MLIP: variants seen among roughly 807,000 people sequenced by gnomAD.
MLIP encodes the protein muscular LMNA-interacting protein.
A neutral mutation model predicts 84.8 loss-of-function variants in MLIP; 79 were observed. That is an observed-to-expected ratio of 0.93 (90% CI 0.78 to 1.12). MLIP has a LOEUF of 1.12. Among genes scored for constraint, MLIP ranks in the 50% most tolerant of loss-of-function variants. MLIP has a pLI of 0.00. For synonymous variants in MLIP, 504 were observed against 463.0 expected, an observed-to-expected ratio of 1.09 and a Z score of -1.14; for missense variants, 1,257 against 1,160.6, an observed-to-expected ratio of 1.08 and a Z score of -1.21.
Position 54,230,779 on chromosome 6 carries a change from T to G in MLIP, c.2784T>G (p.Pro928=). 1 of 1,614,172 alleles carries G rather than the reference T, an allele frequency of 6.2e-7. No homozygotes were observed. Among genetic ancestry groups the G allele is most frequent in the African/African-American group, 1.3e-5 (1 of 75,054 alleles). Residue 928 remains proline, a synonymous_variant, in exon 12 of 14, where the codon CCT becomes CCG. Coordinates refer to ENST00000502396, the MANE Select transcript of MLIP (RefSeq NM_001281747.2). ...TATATCAGACTAAACTCTATCCTCC[T>G]GCTAAGTCACTGCTGCATCCACAGA... ...HPLYQTKLYP[P]AKSLLHPQTL...
In MLIP at chr6:54,198,888, GTGTGTGTATA is replaced by G. The variant is rs908489140; in HGVS notation, c.2590-3209_2590-3200del. Among the ~76,000 whole-genome samples, 125 of 84,778 alleles carry G rather than the reference GTGTGTGTATA, an allele frequency of 1.5e-3. No individual in the cohort carries two copies. The East Asian group carries it at 0.018, about 12-fold the overall frequency. The allele number at this position is 84,778 out of a possible 152,430, so 55.6% of individuals were successfully genotyped here. A position where few individuals can be genotyped will look rare whatever the true frequency, so the allele number is the denominator to read the frequency against. The stretch of plus-strand genomic sequence containing the variant: ...AAGAGGTGTGTGTGTCTGTGTGTGT[GTGTGTGTATA>G]TGTGTGTGTGTGTTTGTGTGTGTGT... On this transcript the variant is annotated intron_variant, in intron 10 of 13. Transcript: ENST00000502396.
chr6:54,214,715 T>C (rs865801650), intron 11 of MLIP, among the ~76,000 whole-genome samples: 1 of 152,236 alleles, frequency 6.6e-6, no homozygotes, highest in African/African-American at 2.4e-5. Flanking sequence ...GCAATTCTGC[T>C]TTAACATTTT....
rs921230858 is a variant in MLIP, at chr6:54,033,411, C to T, written c.63+14320C>T. Among the ~76,000 whole-genome samples the T allele has an allele frequency of 6.6e-5, 10 of 151,946 alleles. No homozygotes were observed. The East Asian group carries it at 7.8e-4, about 12-fold the overall frequency. ...CCTCCAGAGTAGCTGGGAATACAGG[C>T]GTGTGCCATCTTGCTTGGCTAATTT... is the stretch of plus-strand genomic sequence containing the variant. On this transcript the variant is annotated intron_variant, in intron 1 of 12. Transcript: ENST00000274897.
intron 9 of MLIP, among the ~76,000 whole-genome samples, chr6:54,177,344 A>T (rs569322631): frequency 2.6e-5 from 4 of 152,328 alleles, no homozygotes; most frequent in African/African-American, 9.6e-5. Context: ...AAACAAATTT[A>T]AAAGAAAAAA....
chr6:54,069,091 G>A lies in MLIP; in HGVS notation c.63+50000G>A, dbSNP rs1386407610. 4.9e-5 allele frequency among the ~76,000 whole-genome samples: 5 copies of A among 101,448 alleles called. 2 individuals carry two copies. Among genetic ancestry groups the A allele is most frequent in the Admixed American group, 2.7e-4 (3 of 11,022 alleles). The allele number at this position is 101,448 out of a possible 152,430, so 66.6% of individuals were successfully genotyped here. On this transcript the variant is annotated intron_variant, in intron 1 of 12. Transcript: ENST00000274897. ...TCCTGACTGGTATGGGGATGCATCC[G>A]CAGGTCACTTCGTTCATGTTCAGTG...
chr6:54,247,199 T>C (rs1042994842), intron 12 of MLIP, among the ~76,000 whole-genome samples: 1 of 152,186 alleles, frequency 6.6e-6, no homozygotes, highest in Non-Finnish European at 1.5e-5. Flanking sequence ...GGCAGTACTA[T>C]GAACATTTTT....
chr6:54,099,887 TA>T (rs1183656687), intron 1 of MLIP, among the ~76,000 whole-genome samples: 1 of 151,936 alleles, frequency 6.6e-6, no homozygotes, highest in Non-Finnish European at 1.5e-5. Context: ...GGTATAAATG[TA>T]AAGGCAAGAA....
At chr6:54,238,693 G>T (rs567981154) in intron 12 of MLIP, among the ~76,000 whole-genome samples, 2 of 152,160 alleles carry the variant, frequency 1.3e-5, no homozygotes, top group East Asian at 3.9e-4. Flanking sequence ...AAGCAAGAAG[G>T]CTCTATTTAC....
intron 10 of MLIP, among the ~76,000 whole-genome samples, chr6:54,191,086 C>T (rs1260104579): frequency 6.6e-6 from 1 of 151,972 alleles, no homozygotes; most frequent in Non-Finnish European, 1.5e-5. Context: ...TGAGCCATCG[C>T]GCCCGGCCAA....
chr6:54,213,193 A>G (rs951055086), intron 11 of MLIP, among the ~76,000 whole-genome samples: 2 of 152,222 alleles, frequency 1.3e-5, no homozygotes, highest in African/African-American at 4.8e-5. Flanking sequence ...AAGACTCTGT[A>G]TAAGAAAATA....
At chr6:54,090,661 A>ATG (rs145816939) in intron 1 of MLIP, among the ~76,000 whole-genome samples, 86,565 of 147,132 alleles carry the variant, frequency 0.59, 27,513 homozygotes, top group Non-Finnish European at 0.74. Context: ...GTGTGTGTGT[A>ATG]TGTGTGTGTG....
At chr6:54,111,063 G>A (rs1769418693), upstream of MLIP, among the ~76,000 whole-genome samples, 1 of 152,164 alleles carries the variant, frequency 6.6e-6, no homozygotes, top group Non-Finnish European at 1.5e-5. Flanking sequence ...TTCTCTATGA[G>A]CATGACCAAC....
intron 4 of MLIP, among the ~76,000 whole-genome samples, chr6:54,143,567 A>G (rs1399873234): frequency 6.6e-6 from 1 of 152,158 alleles, no homozygotes; most frequent in Admixed American, 6.5e-5. Flanking sequence ...TTGTCAAAGG[A>G]AAAAACAGGG....
chr6:54,098,812 G>A (rs776646361), intron 1 of MLIP, among the ~76,000 whole-genome samples: 9 of 152,102 alleles, frequency 5.9e-5, no homozygotes, highest in Non-Finnish European at 1.2e-4. Flanking sequence ...TTCCAAAGGC[G>A]TATGTAACTC....
At chr6:54,202,078 T>C (rs761579459) in intron 10 of MLIP, 27 bp from the exon 11 acceptor site, 1 of 1,460,938 alleles carries the variant, frequency 6.8e-7, no homozygotes, top group South Asian at 1.6e-5. Context: ...TTCCTGTTTT[T>C]AAAATATTTA....
At chr6:54,188,431 A>C (rs1403061131) in intron 9 of MLIP, among the ~76,000 whole-genome samples, 2 of 152,014 alleles carry the variant, frequency 1.3e-5, no homozygotes, top group East Asian at 3.9e-4. Flanking sequence ...TTATTCTATA[A>C]GTTTTTTCTA....
At chr6:54,197,093 A>G (rs1778350274) in intron 10 of MLIP, among the ~76,000 whole-genome samples, 1 of 152,036 alleles carries the variant, frequency 6.6e-6, no homozygotes, top group Non-Finnish European at 1.5e-5. Flanking sequence ...GTACTAGGAA[A>G]TAAGATTGGA....
At position 54,266,031 on chromosome 6, in the gene MLIP, C is replaced by CTTT. The variant is rs67803711; in HGVS notation, c.*88_*90dup. On this transcript the variant is annotated 3_prime_UTR_variant, in exon 14 of 14. Coordinates refer to ENST00000502396, the MANE Select transcript of MLIP (RefSeq NM_001281747.2). ...GGTGCTAACCACTTGCTAGATTTAA[C>CTTT]TTTTTTTTTTTTTTCCAGAATGAGT... 4.4e-5 allele frequency: 53 copies of CTTT among 1,209,640 alleles called. No homozygotes were observed. The highest frequency in any genetic ancestry group is 1.7e-4 in the South Asian group (12 of 69,348). 74.9% of individuals were successfully genotyped at this position (1,209,640 alleles called of 1,614,324 possible).
intron 1 of MLIP, among the ~76,000 whole-genome samples, chr6:54,074,477 C>A (rs1766672437): frequency 6.6e-6 from 1 of 152,120 alleles, no homozygotes; most frequent in South Asian, 2.1e-4. Flanking sequence ...GTGCAAGTAT[C>A]TTAGTTCCAT....
Sources: gnomAD v4.1 joint callset for allele counts (sites outside exome capture counted in the v4.1 genomes callset) on GRCh38, gnomAD v4.1.1 for gene constraint, MANE v1.5 for transcripts, NCBI Gene and HGNC (gene_info 2026-07-23, HGNC 2026-07-21) for gene names.